CC2D2B: variants seen among roughly 807,000 people sequenced by gnomAD.
CC2D2B encodes coiled-coil and C2 domain containing 2B.
Under a neutral mutation model 161.2 loss-of-function variants are expected in CC2D2B, and 128 were observed. The ratio of observed to expected loss-of-function variants is 0.79; its 90% CI spans 0.69 to 0.92. The LOEUF is 0.92. Ranked by LOEUF, CC2D2B falls within the 40% of genes least tolerant of loss-of-function variation. The probability of loss-of-function intolerance (pLI) is 0.00; values close to 1 mark genes in which losing one functional copy is unlikely to be tolerated. For synonymous variants in CC2D2B, 391 were observed against 449.8 expected (o/e 0.87, Z 1.65); for missense variants, 1,173 against 1,375.1 (o/e 0.85, Z 2.32).
At chr10:95,950,953 G>A (rs2076380860) in intron 10 of CC2D2B, among the ~76,000 whole-genome samples, 1 of 151,998 alleles carries the variant, frequency 6.6e-6, no homozygotes, top group Admixed American at 6.6e-5. Context: ...CTGAGTAGCT[G>A]GGACTACAGG....
intron 18 of CC2D2B, 140 bp from the exon 19 acceptor site, chr10:95,983,466 A>T (rs199711469): frequency 3.4e-6 from 1 of 296,236 alleles, no homozygotes; most frequent in Non-Finnish European, 5.6e-6. Context: ...TGTTTTTTGT[A>T]TGTTCTAGAC....
chr10:96,001,994 G>C (rs2078519038), intron 24 of CC2D2B, among the ~76,000 whole-genome samples: 1 of 152,136 alleles, frequency 6.6e-6, no homozygotes, highest in South Asian at 2.1e-4. Context: ...AAATGTATTT[G>C]TTTGAAAAGT....
chr10:95,918,312 A>G (rs541657204), intron 2 of CC2D2B, among the ~76,000 whole-genome samples: 10 of 152,336 alleles, frequency 6.6e-5, no homozygotes, highest in Non-Finnish European at 8.8e-5. Context: ...GGTGTTGACA[A>G]AATCCCTCAG....
chr10:96,000,626 AG>A (rs919377100), intron 24 of CC2D2B, among the ~76,000 whole-genome samples: 1 of 152,112 alleles, frequency 6.6e-6, no homozygotes, highest in African/African-American at 2.4e-5. Context: ...GGCCTCCCAA[AG>A]TGCTGGGATT....
intron 10 of CC2D2B, among the ~76,000 whole-genome samples, chr10:95,951,404 G>C (rs917947614): frequency 2.0e-5 from 3 of 151,950 alleles, no homozygotes; most frequent in Non-Finnish European, 4.4e-5. Flanking sequence ...TGCCTGCCTC[G>C]GCCTCCTTAT....
chr10:95,979,022 C>T (rs982979005), intron 17 of CC2D2B, among the ~76,000 whole-genome samples: 8 of 152,126 alleles, frequency 5.3e-5, no homozygotes, highest in African/African-American at 1.9e-4. Flanking sequence ...AAATGAATTT[C>T]AACTAGAATT....
At position 95,938,713 on chromosome 10, in the gene CC2D2B, C is replaced by T. The variant is rs1372025338; in HGVS notation, c.672+8C>T. 2.8e-6 allele frequency: 2 copies of T among 707,172 alleles called. No individual in the cohort carries two copies. Among genetic ancestry groups the T allele is most frequent in the Middle Eastern group, 2.3e-4 (1 of 4,316 alleles). 43.8% of individuals were successfully genotyped at this position (707,172 alleles called of 1,614,324 possible). ...CTGCTTAAACTAGAAGAGGCAAGTG[C>T]ACCACCTAACAAGTTAAAACACTGG... is the stretch of plus-strand genomic sequence containing the variant. On this transcript the variant is annotated splice_region_variant and intron_variant, in intron 8 of 34. Coordinates refer to ENST00000646931, the MANE Select transcript of CC2D2B (RefSeq NM_001349008.3).
intron 33 of CC2D2B, 85 bp from the exon 34 acceptor site, chr10:96,027,123 CAAAA>C (rs372010486): frequency 1.8e-5 from 14 of 781,182 alleles, no homozygotes; most frequent in Admixed American, 4.6e-5. Context: ...GACTTCGTCT[CAAAA>C]AAAAAAAAAA....
In CC2D2B at chr10:95,965,954, A is replaced by G. The variant is rs2141453061; in HGVS notation, c.1309A>G (p.Lys437Glu). 2 of 1,219,908 alleles carry G rather than the reference A, an allele frequency of 1.6e-6. No homozygotes were observed. Among genetic ancestry groups the G allele is most frequent in the Middle Eastern group, 3.1e-4 (1 of 3,184 alleles). The allele number at this position is 1,219,908 out of a possible 1,614,324, so 75.6% of individuals were successfully genotyped here. The change falls in exon 13 of 35, where the codon AAG becomes GAG. Residue 437 changes from lysine (K) to glutamate (E), a missense_variant. Lys to Glu is a moderately conservative substitution (Grantham distance 56). Transcript: ENST00000646931. ...AATCTCAGAAATGTCTGAAACTGAG[A>G]AGAAAAATGAAGGAAAAGAACTTAA... is the stretch of plus-strand genomic sequence containing the variant. ...EQISEMSETE[K>E]KNEGKELKNG...
intron 9 of CC2D2B, 75 bp downstream of exon 9, chr10:95,939,000 G>A (rs2075927066): frequency 1.2e-5 from 7 of 598,618 alleles, no homozygotes; most frequent in Non-Finnish European, 1.8e-5. Flanking sequence ...GTTTTGTGGT[G>A]TTGATTTATC....
At chr10:96,008,510 T>C (rs1410234223) in intron 25 of CC2D2B, among the ~76,000 whole-genome samples, 2 of 152,258 alleles carry the variant, frequency 1.3e-5, no homozygotes, top group Non-Finnish European at 2.9e-5. Context: ...CCACTTTTTA[T>C]GCCCACCAAT....
chr10:96,013,837 C>A lies in CC2D2B; in HGVS notation c.3476C>A (p.Pro1159Gln). 4 of 1,599,740 alleles carry A rather than the reference C, an allele frequency of 2.5e-6. No homozygotes were observed. Among genetic ancestry groups the A allele is most frequent in the Non-Finnish European group, 3.4e-6 (4 of 1,172,108 alleles). The change falls in exon 29 of 35, where the codon CCA becomes CAA. Residue 1159 changes from proline (P) to glutamine (Q), a missense_variant. Transcript: ENST00000646931. Reference protein sequence around the residue: ...VSLIPFVPNTPDENDGSDIWM... With the variant: ...VSLIPFVPNTQDENDGSDIWM... ...TTGATTCCTTTTGTGCCTAATACAC[C>A]AGATGAAAATGATGGCTCTGATATA...
At chr10:95,954,567 TG>T (rs1253354208) in intron 10 of CC2D2B, among the ~76,000 whole-genome samples, 4 of 152,178 alleles carry the variant, frequency 2.6e-5, no homozygotes, top group Admixed American at 2.6e-4. Flanking sequence ...AGAATGTTTT[TG>T]GATACCCCAC....
At chr10:96,016,782 G>A (rs61869177) in intron 30 of CC2D2B, among the ~76,000 whole-genome samples, 7,626 of 152,220 alleles carry the variant, frequency 0.05, 256 homozygotes, top group Middle Eastern at 0.088. Context: ...GGGCAATAGC[G>A]TGATCTCGCC....
chr10:95,913,330 A>G, intron 2 of CC2D2B: 1 of 302,584 alleles, frequency 3.3e-6, no homozygotes, highest in Non-Finnish European at 6.5e-6. Context: ...TCCATTGCAT[A>G]TATATATATA....
chr10:96,012,250 T>C lies in CC2D2B; in HGVS notation c.3111T>C (p.Tyr1037=), dbSNP rs531851637. 1.6e-4 allele frequency: 113 copies of C among 710,938 alleles called. No homozygotes were observed. The African/African-American group carries it at 1.7e-3, about 11-fold the overall frequency. The allele number at this position is 710,938 out of a possible 1,614,324, so 44.0% of individuals were successfully genotyped here. ...TCGGGTATACTTGGAGTAATACTTA[T>C]GTATTTCCTAAAGAAGATTCCAATG... ...VLLGYTWSNT[Y]VFPKEDSNEQ... The change falls in exon 27 of 35, where the codon TAT becomes TAC. Residue 1037 remains tyrosine (Y), a synonymous_variant. Coordinates refer to ENST00000646931, the MANE Select transcript of CC2D2B (RefSeq NM_001349008.3).
intron 9 of CC2D2B, among the ~76,000 whole-genome samples, chr10:95,945,815 AC>A (rs1291149416): frequency 2.3e-5 from 2 of 85,750 alleles, no homozygotes; most frequent in African/African-American, 9.6e-5. Flanking sequence ...ACGGAGTTTC[AC>A]TCTTTTTGCC....
Position 95,974,154 on chromosome 10 carries a change from C to A in CC2D2B, c.1941C>A (p.Cys647Ter). The A allele has an allele frequency of 8.2e-7, 1 of 1,226,852 alleles. No homozygotes were observed. The highest frequency in any genetic ancestry group is 1.0e-6 in the Non-Finnish European group (1 of 983,254). 76.0% of individuals were successfully genotyped at this position (1,226,852 alleles called of 1,614,324 possible). A position where few individuals can be genotyped will look rare whatever the true frequency, so the allele number is the denominator to read the frequency against. Reference protein sequence around the residue: ...PMPQSLRSSYCSMLRNVDARS... With the variant: ...PMPQSLRSSY ...CACAATCATTAAGATCTTCTTACTG[C>A]AGGTAATAAACTTTTATCTTTGAAA... Residue 647 changes from cysteine to a stop codon, truncating the protein, a stop_gained and splice_region_variant, in exon 17 of 35, where the codon TGC becomes TGA. Transcript: ENST00000646931. LOFTEE classifies it high-confidence loss of function.
rs1249177745 is a variant in CC2D2B at position 95,961,813 on chromosome 10, G to A, written c.1110-16G>A. On this transcript the variant is annotated splice_polypyrimidine_tract_variant and intron_variant, in intron 11 of 34. Transcript: ENST00000646931. ...TAATCCACTGACAAATTTTTGCTCTGCCATTTTTGTTGTAGTAATACAAAA... is the reference window on the plus strand; with the variant it reads ...TAATCCACTGACAAATTTTTGCTCTACCATTTTTGTTGTAGTAATACAAAA... 2 of 1,230,732 alleles carry A rather than the reference G, an allele frequency of 1.6e-6. 1 individual carries two copies. The highest frequency in any genetic ancestry group is 8.4e-5 in the Admixed American group (2 of 23,680). The allele number at this position is 1,230,732 out of a possible 1,614,324, so 76.2% of individuals were successfully genotyped here.
Sources: gnomAD v4.1 joint callset for allele counts (sites outside exome capture counted in the v4.1 genomes callset) on GRCh38, gnomAD v4.1.1 for gene constraint, MANE v1.5 for transcripts, NCBI Gene and HGNC (gene_info 2026-07-23, HGNC 2026-07-21) for gene names.